NLGN4X: variants seen among roughly 807,000 people sequenced by gnomAD.
NLGN4X encodes neuroligin-4, X-linked.
NLGN4X carries 3 observed loss-of-function variants against 40.3 expected under a neutral mutation model. That is an observed-to-expected ratio of 0.07 (90% CI 0.03 to 0.19). The LOEUF is 0.19. Among genes scored for constraint, NLGN4X ranks in the 10% least tolerant of loss-of-function variants. The pLI, the probability that NLGN4X is intolerant of heterozygous loss-of-function variation, is 1.00. For missense variants in NLGN4X, 382 were observed against 708.3 expected, an observed-to-expected ratio of 0.54 and a Z score of 5.23; for synonymous variants, 270 against 306.8, an observed-to-expected ratio of 0.88 and a Z score of 1.25.
intron 2 of NLGN4X, among the ~76,000 whole-genome samples, chrX:6,147,991 G>A (rs1291616262): frequency 1.8e-5 from 2 of 111,538 alleles, no homozygotes; most frequent in Non-Finnish European, 3.8e-5. Flanking sequence ...CTCACCTTCA[G>A]CAAGACCTGA....
intron 3 of NLGN4X, among the ~76,000 whole-genome samples, chrX:5,911,230 T>A (rs2032460343): frequency 1.8e-5 from 2 of 111,885 alleles, no homozygotes; most frequent in South Asian, 7.5e-4. Context: ...CTTCAGCACG[T>A]CTTTTCTTCA....
intron 2 of NLGN4X, among the ~76,000 whole-genome samples, chrX:6,076,263 C>T (rs1275155218): frequency 8.9e-6 from 1 of 112,017 alleles, no homozygotes; most frequent in Non-Finnish European, 1.9e-5. Flanking sequence ...TAGGAATTAA[C>T]GTATGTTATC....
At chrX:5,963,922 A>G (rs1047530199) in intron 3 of NLGN4X, among the ~76,000 whole-genome samples, 3 of 112,340 alleles carry the variant, frequency 2.7e-5, no homozygotes, top group African/African-American at 9.7e-5. Context: ...TTCGGAATAT[A>G]TTTACTTTTA....
chrX:6,059,689 GTCA>G (rs2037723136), intron 2 of NLGN4X, among the ~76,000 whole-genome samples: 1 of 111,180 alleles, frequency 9.0e-6, no homozygotes, highest in East Asian at 2.8e-4. Context: ...TTGTGAAGAG[GTCA>G]TCTTCAGCTG....
At chrX:5,955,378 T>A (rs184874246) in intron 3 of NLGN4X, among the ~76,000 whole-genome samples, 1 of 112,471 alleles carries the variant, frequency 8.9e-6, no homozygotes, top group African/African-American at 3.2e-5. Context: ...GCTTTCGTTT[T>A]ATTTAAAACG....
chrX:6,095,104 T>TGC (rs1487000713), intron 2 of NLGN4X, among the ~76,000 whole-genome samples: 1 of 1,306 alleles, frequency 7.7e-4, no homozygotes, highest in African/African-American at 2.0e-3. Context: ...CGTGCGTGCG[T>TGC]GTGTGTGTGT....
chrX:6,088,357 C>T (rs1031622282), intron 2 of NLGN4X, among the ~76,000 whole-genome samples: 1 of 112,010 alleles, frequency 8.9e-6, no homozygotes, highest in East Asian at 2.8e-4. Context: ...GCACCTGAAA[C>T]AAACCATCAA....
intron 1 of NLGN4X, among the ~76,000 whole-genome samples, chrX:6,173,575 C>A (rs776956418): frequency 3.6e-5 from 4 of 112,421 alleles, no homozygotes; most frequent in Non-Finnish European, 5.6e-5. Flanking sequence ...GAGGGTCCTA[C>A]CTCACACCCA....
chrX:6,102,584 A>G (rs193213979), intron 2 of NLGN4X, among the ~76,000 whole-genome samples: 42 of 110,997 alleles, frequency 3.8e-4, no homozygotes, highest in African/African-American at 1.2e-3. Context: ...GCTCAGTTAC[A>G]TAACAAAAAC....
At chrX:6,020,653 C>T (rs2036505934) in intron 3 of NLGN4X, among the ~76,000 whole-genome samples, 1 of 111,763 alleles carries the variant, frequency 8.9e-6, no homozygotes, top group African/African-American at 3.3e-5. Context: ...TGAATTAGCT[C>T]GATTTAGCCA....
Position 5,891,282 on chromosome X carries a change from C to T in NLGN4X, c.*1535G>A, listed in dbSNP as rs1254539087. The T allele has an allele frequency of 1.3e-5, 3 of 235,089 alleles. No homozygotes were observed. Among genetic ancestry groups the T allele is most frequent in the Non-Finnish European group, 2.3e-5 (3 of 130,472 alleles). The allele number at this position is 235,089 out of a possible 1,213,427, so 19.4% of individuals were successfully genotyped here. A position where few individuals can be genotyped will look rare whatever the true frequency, so the allele number is the denominator to read the frequency against. On this transcript the variant is annotated 3_prime_UTR_variant, in exon 6 of 6. Coordinates refer to ENST00000381095, the MANE Select transcript of NLGN4X (RefSeq NM_181332.3). Reference sequence around the variant, plus strand: ...AATTTCCCAGAAAACCCATGCAAAGCAGTTTTAATATTCTATCCTTTCTTC... The same window carrying T: ...AATTTCCCAGAAAACCCATGCAAAGTAGTTTTAATATTCTATCCTTTCTTC...
At chrX:5,936,769 A>G (rs373452847) in intron 3 of NLGN4X, among the ~76,000 whole-genome samples, 5 of 112,297 alleles carry the variant, frequency 4.5e-5, no homozygotes, top group East Asian at 2.8e-4. Context: ...ACAGAGAAGC[A>G]AAACTCTTTT....
At chrX:6,128,380 C>A (rs1388288318) in intron 2 of NLGN4X, among the ~76,000 whole-genome samples, 2 of 111,681 alleles carry the variant, frequency 1.8e-5, no homozygotes, top group Non-Finnish European at 3.8e-5. Flanking sequence ...AAATGACAGT[C>A]CACTCTAGTA....
intron 3 of NLGN4X, among the ~76,000 whole-genome samples, chrX:5,922,241 GA>G (rs764267396): frequency 7.2e-5 from 8 of 111,062 alleles, no homozygotes; most frequent in Non-Finnish European, 1.3e-4. Context: ...TCTTCGTGGG[GA>G]GGGGGGGAAA....
At chrX:6,049,744 G>A (rs1220536165) in intron 2 of NLGN4X, among the ~76,000 whole-genome samples, 8 of 11,888 alleles carry the variant, frequency 6.7e-4, no homozygotes, top group African/African-American at 1.4e-3. Flanking sequence ...GGGGGGGGGC[G>A]GTCACAAAAT....
At chrX:6,097,815 A>T (rs1295839326) in intron 2 of NLGN4X, among the ~76,000 whole-genome samples, 1 of 111,567 alleles carries the variant, frequency 9.0e-6, no homozygotes, top group Non-Finnish European at 1.9e-5. Flanking sequence ...TTAAAAAAAT[A>T]ACACGTCCTC....
chrX:6,034,607 C>T (rs1241493114), intron 2 of NLGN4X, among the ~76,000 whole-genome samples: 2 of 112,137 alleles, frequency 1.8e-5, no homozygotes, highest in Non-Finnish European at 1.9e-5. Flanking sequence ...TTCTCACCAA[C>T]GGTGGTATAA....
At chrX:6,224,879 T>G (rs1485019884) in intron 1 of NLGN4X, among the ~76,000 whole-genome samples, 1 of 104,465 alleles carries the variant, frequency 9.6e-6, no homozygotes, top group Non-Finnish European at 2.0e-5. Flanking sequence ...CCTTCCATTT[T>G]AATCTACTGA....
chrX:6,012,198 A>G (rs1285209899), intron 3 of NLGN4X, among the ~76,000 whole-genome samples: 1 of 112,781 alleles, frequency 8.9e-6, no homozygotes, highest in Non-Finnish European at 1.9e-5. Context: ...CCTGTAATTT[A>G]AGAAGGAAGT....
Sources: allele counts gnomAD v4.1 joint callset (sites outside exome capture counted in the v4.1 genomes callset), GRCh38; gene constraint gnomAD v4.1.1; transcripts MANE v1.5; gene names NCBI Gene and HGNC (gene_info 2026-07-23, HGNC 2026-07-21).